Variants in XKR9 observed in about 807,000 individuals in gnomAD.
XKR9 encodes the protein XK-related protein 9.
Under a neutral mutation model 32.0 loss-of-function variants are expected in XKR9, and 32 were observed. The ratio of observed to expected loss-of-function variants is 1.00; its 90% CI spans 0.76 to 1.34. The LOEUF (loss-of-function observed/expected upper bound fraction) is 1.34, where lower values mean the gene tolerates loss of function less well. XKR9 is among the 40% of genes most tolerant of loss of function. The pLI is 0.00. For synonymous variants in XKR9, 168 were observed against 143.4 expected (o/e 1.17, Z -1.22); for missense variants, 546 against 429.7 (o/e 1.27, Z -2.39).
the XKR9 span, among the ~76,000 whole-genome samples, chr8:70,883,908 G>A: frequency 6.6e-6 from 1 of 152,104 alleles, no homozygotes; most frequent in African/African-American, 2.4e-5. Flanking sequence ...ATCAAGGAGT[G>A]TGATTGCTCA....
chr8:70,688,723 T>TA (rs1819402113), intron 3 of XKR9, among the ~76,000 whole-genome samples: 1 of 151,786 alleles, frequency 6.6e-6, no homozygotes, highest in South Asian at 2.1e-4. Flanking sequence ...TCCTTTTTTT[T>TA]TTTTTTGAAA....
chr8:70,954,767 C>A, the XKR9 span, among the ~76,000 whole-genome samples: 967 of 152,262 alleles, frequency 6.4e-3, 7 homozygotes, highest in Non-Finnish European at 0.011. Context: ...CCTTCTTGTA[C>A]ACAAATCCTC....
chr8:70,931,147 G>GTA, the XKR9 span, among the ~76,000 whole-genome samples: 1 of 120,528 alleles, frequency 8.3e-6, no homozygotes, highest in African/African-American at 3.7e-5. Context: ...TCAAGCTTAA[G>GTA]TAAAAAAAAA....
chr8:70,902,277 A>C, the XKR9 span, among the ~76,000 whole-genome samples: 5 of 152,150 alleles, frequency 3.3e-5, no homozygotes, highest in African/African-American at 1.2e-4. Flanking sequence ...GATTCTTCCT[A>C]TCCATGAGCA....
chr8:70,997,830 G>A, the XKR9 span, among the ~76,000 whole-genome samples: 127 of 152,268 alleles, frequency 8.3e-4, no homozygotes, highest in Admixed American at 1.8e-3. Flanking sequence ...TGAGATGGAT[G>A]AGGAAAAAAA....
the XKR9 span, among the ~76,000 whole-genome samples, chr8:70,836,443 A>AT: frequency 6.6e-6 from 1 of 151,922 alleles, no homozygotes; most frequent in African/African-American, 2.4e-5. Flanking sequence ...CACTATGTAC[A>AT]TTTTGTGTCT....
chr8:70,721,397 G>A (rs934627909), intron 4 of XKR9, among the ~76,000 whole-genome samples: 3 of 152,050 alleles, frequency 2.0e-5, no homozygotes, highest in Admixed American at 6.6e-5. Context: ...TGATATTAGG[G>A]TGTTGATTTT....
downstream of XKR9, among the ~76,000 whole-genome samples, chr8:70,740,902 G>C (rs1806960977): frequency 2.0e-5 from 3 of 152,190 alleles, no homozygotes; most frequent in African/African-American, 7.2e-5. Flanking sequence ...CAGTTAGGCT[G>C]CTCGGGGTCA....
the XKR9 span, among the ~76,000 whole-genome samples, chr8:70,883,144 A>G: frequency 6.7e-6 from 1 of 150,340 alleles, no homozygotes; most frequent in Non-Finnish European, 1.5e-5. Context: ...ACCTCCCCCA[A>G]CAATTCCCCA....
At chr8:70,850,472 AAAAAAAAAAAAAG>A in the XKR9 span, among the ~76,000 whole-genome samples, 1 of 145,486 alleles carries the variant, frequency 6.9e-6, no homozygotes, top group Non-Finnish European at 1.5e-5. Flanking sequence ...TCAAAAAAAA[AAAAAAAAAAAAAG>A]AAAGAAAATT....
the XKR9 span, among the ~76,000 whole-genome samples, chr8:70,924,681 C>T: frequency 2.4e-4 from 36 of 152,300 alleles, no homozygotes; most frequent in African/African-American, 6.5e-4. Context: ...AGTTTCTCTC[C>T]ATTGAGGCAA....
chr8:70,778,448 A>G (rs1250860459), intron 2 of XKR9, among the ~76,000 whole-genome samples: 1 of 152,176 alleles, frequency 6.6e-6, no homozygotes, highest in African/African-American at 2.4e-5. Context: ...TTGGTTCCAT[A>G]TGGACTTTGA....
the XKR9 span, among the ~76,000 whole-genome samples, chr8:70,832,889 C>T: frequency 7.2e-5 from 11 of 151,986 alleles, no homozygotes; most frequent in African/African-American, 1.5e-4. Flanking sequence ...GAGAAGACAA[C>T]GTCTGTCTTT....
At chr8:70,906,184 A>G in the XKR9 span, among the ~76,000 whole-genome samples, 3 of 152,180 alleles carry the variant, frequency 2.0e-5, no homozygotes, top group Non-Finnish European at 4.4e-5. Flanking sequence ...AAGTCTGCAG[A>G]AGTTTCTGCT....
At chr8:70,925,934 T>C in the XKR9 span, among the ~76,000 whole-genome samples, 1 of 152,236 alleles carries the variant, frequency 6.6e-6, no homozygotes, top group Admixed American at 6.5e-5. Context: ...GACTGATTTA[T>C]AGAACACTTT....
chr8:71,038,481 T>A, the XKR9 span, among the ~76,000 whole-genome samples: 1 of 151,350 alleles, frequency 6.6e-6, no homozygotes, highest in Non-Finnish European at 1.5e-5. Flanking sequence ...CCACCACACC[T>A]GGCTAATTTT....
the XKR9 span, among the ~76,000 whole-genome samples, chr8:70,908,622 A>G: frequency 1.3e-5 from 2 of 152,206 alleles, no homozygotes. Flanking sequence ...GTTACTATTC[A>G]ATTATTCCAC....
At chr8:70,739,964 A>G (rs1225122563), downstream of XKR9, among the ~76,000 whole-genome samples, 2 of 152,002 alleles carry the variant, frequency 1.3e-5, no homozygotes, top group Non-Finnish European at 2.9e-5. Flanking sequence ...GCTCTTCTTG[A>G]GGAGTATCTT....
chr8:70,680,746 G>T (rs1819048829), intron 2 of XKR9, 35 bp from the exon 3 acceptor site: 1 of 176,590 alleles, frequency 5.7e-6, no homozygotes, highest in Non-Finnish European at 1.2e-5. Flanking sequence ...TTATACTTAA[G>T]ATATTTTGGA....
Sources: allele counts gnomAD v4.1 joint callset (sites outside exome capture counted in the v4.1 genomes callset), GRCh38; gene constraint gnomAD v4.1.1; transcripts MANE v1.5; gene names NCBI Gene and HGNC (gene_info 2026-07-23, HGNC 2026-07-21).